STAT5B: variants seen among roughly 807,000 people sequenced by gnomAD.
The protein encoded by STAT5B is transcription factor STAT5B.
A neutral mutation model predicts 107.8 loss-of-function variants in STAT5B; 21 were observed. The observed-to-expected ratio is 0.19, with a 90% CI of 0.14 to 0.28. The LOEUF (loss-of-function observed/expected upper bound fraction) is 0.28. Among genes scored for constraint, STAT5B ranks in the 10% least tolerant of loss-of-function variants. The pLI, the probability that STAT5B is intolerant of heterozygous loss-of-function variation, is 1.00. For synonymous variants in STAT5B, 325 were observed against 401.7 expected (o/e 0.81, Z 2.28); for missense variants, 565 against 1,008.2 (o/e 0.56, Z 5.95).
intron 13 of STAT5B, among the ~76,000 whole-genome samples, chr17:42,211,757 A>T (rs908006927): frequency 6.6e-6 from 1 of 152,208 alleles, no homozygotes; most frequent in South Asian, 2.1e-4. Context: ...AAAGGAAGAA[A>T]ATGCATTAAC....
At chr17:42,257,581 T>C (rs1053372139) in intron 1 of STAT5B, among the ~76,000 whole-genome samples, 2 of 152,208 alleles carry the variant, frequency 1.3e-5, no homozygotes, top group African/African-American at 4.8e-5. Context: ...GGACATACAG[T>C]TTTATTTACA....
intron 1 of STAT5B, among the ~76,000 whole-genome samples, chr17:42,232,454 G>C (rs1050911536): frequency 1.3e-5 from 2 of 152,054 alleles, no homozygotes; most frequent in Non-Finnish European, 2.9e-5. Context: ...TCACCGTGTT[G>C]GCCAGGCTGG....
At chr17:42,245,827 AT>A (rs1327862739) in intron 1 of STAT5B, among the ~76,000 whole-genome samples, 1 of 151,684 alleles carries the variant, frequency 6.6e-6, no homozygotes, top group Non-Finnish European at 1.5e-5. Flanking sequence ...CCCAGCCCTA[AT>A]TTTTGTATTT....
chr17:42,218,003 G>A (rs2080187868), intron 9 of STAT5B, 148 bp downstream of exon 9: 1 of 1,384,342 alleles, frequency 7.2e-7, no homozygotes, highest in Non-Finnish European at 1.0e-6. Flanking sequence ...ACCACACCAG[G>A]CCCAAGAACT....
At chr17:42,233,351 C>T (rs908447778) in intron 1 of STAT5B, among the ~76,000 whole-genome samples, 3 of 152,156 alleles carry the variant, frequency 2.0e-5, no homozygotes, top group African/African-American at 7.2e-5. Flanking sequence ...GAAGGTTCAC[C>T]TCCTGAGTTA....
rs1244520898 is a variant in STAT5B at position 42,199,820 on chromosome 17, G to A, written c.*1918C>T. 6.6e-6 allele frequency: 1 copy of A among 152,394 alleles called. No individual in the cohort carries two copies. Among genetic ancestry groups the A allele is most frequent in the Non-Finnish European group, 1.5e-5 (1 of 68,084 alleles). The allele number at this position is 152,394 out of a possible 1,614,324, so 9.4% of individuals were successfully genotyped here. ...GTGGGTCCACTCCCAACCTGAAAGTGTATCAAGTCTGACCCCCCAACCAGG... is the reference window on the plus strand; with the variant it reads ...GTGGGTCCACTCCCAACCTGAAAGTATATCAAGTCTGACCCCCCAACCAGG... On this transcript the variant is annotated 3_prime_UTR_variant, in exon 19 of 19. Transcript: ENST00000293328.
intron 3 of STAT5B, among the ~76,000 whole-genome samples, chr17:42,226,903 T>C (rs2080277550): frequency 6.8e-6 from 1 of 146,786 alleles, no homozygotes; most frequent in African/African-American, 2.5e-5. Context: ...GGTGGGCGGA[T>C]CACCTGAGGT....
chr17:42,219,834 C>T lies in STAT5B; in HGVS notation c.559G>A (p.Gly187Ser). ...QESLRIQAQFGPLAQLSPQER... is the reference protein window; with the variant it reads ...QESLRIQAQFSPLAQLSPQER... ...TGGGGGCTCAGCTGGGCCAGCGGGCCAAACTGAGCTAGAGGAGGGGAGAGG... is the reference window on the plus strand; with the variant it reads ...TGGGGGCTCAGCTGGGCCAGCGGGCTAAACTGAGCTAGAGGAGGGGAGAGG... The change falls in exon 6 of 19, where the codon GGC becomes AGC. Residue 187 changes from glycine to serine, a missense_variant. This residue lies in a region of STAT5B where 56 missense variants were observed against 104.5 expected (regional missense o/e 0.54). Coordinates refer to ENST00000293328, the MANE Select transcript of STAT5B (RefSeq NM_012448.4). 5 of 1,614,190 alleles carry T rather than the reference C, an allele frequency of 3.1e-6. No individual in the cohort carries two copies. The highest frequency in any genetic ancestry group is 4.2e-6 in the Non-Finnish European group (5 of 1,180,024).
At chr17:42,203,683 G>A (rs1319905696) in intron 16 of STAT5B, among the ~76,000 whole-genome samples, 1 of 152,102 alleles carries the variant, frequency 6.6e-6, no homozygotes, top group African/African-American at 2.4e-5. Context: ...CTGGAGTGCA[G>A]TGGTGCGATC....
At chr17:42,228,670 G>T (rs750323730) in intron 2 of STAT5B, among the ~76,000 whole-genome samples, 10 of 152,168 alleles carry the variant, frequency 6.6e-5, no homozygotes, top group Admixed American at 2.6e-4. Flanking sequence ...GGTGGCTCAC[G>T]CCTGTGATCC....
intron 13 of STAT5B, among the ~76,000 whole-genome samples, chr17:42,211,183 G>A (rs114394441): frequency 0.013 from 1,943 of 151,762 alleles, 31 homozygotes; most frequent in African/African-American, 0.042. Flanking sequence ...GTGACAGAGC[G>A]AGACACCATC....
At chr17:42,256,737 C>T (rs1598333182) in intron 1 of STAT5B, among the ~76,000 whole-genome samples, 1 of 151,838 alleles carries the variant, frequency 6.6e-6, no homozygotes, top group African/African-American at 2.4e-5. Flanking sequence ...TGGCAGATGC[C>T]TGTAGTCCCA....
At chr17:42,287,115 G>A in the STAT5B span, among the ~76,000 whole-genome samples, 1 of 152,010 alleles carries the variant, frequency 6.6e-6, no homozygotes, top group Non-Finnish European at 1.5e-5. Flanking sequence ...TCCTTTCCTC[G>A]TGATCCTGCC....
rs949742712 is a variant in STAT5B, at chr17:42,224,998, G to A, written c.286-130C>T. 6 of 815,298 alleles carry A rather than the reference G, an allele frequency of 7.4e-6. No individual in the cohort carries two copies. In the African/African-American group the frequency reaches 1.0e-4, roughly 14 times the overall value. The allele number at this position is 815,298 out of a possible 1,614,324, so 50.5% of individuals were successfully genotyped here. A position where few individuals can be genotyped will look rare whatever the true frequency, so the allele number is the denominator to read the frequency against. On this transcript the variant is annotated intron_variant, in intron 3 of 18. Transcript: ENST00000293328. The stretch of plus-strand genomic sequence containing the variant: ...AGGCACTGTTCCTCCAATACCAACA[G>A]GAACAAGAAGGCACATCATGGAAAT...
intron 2 of STAT5B, among the ~76,000 whole-genome samples, chr17:42,229,429 C>A (rs1023351084): frequency 6.6e-6 from 1 of 151,642 alleles, no homozygotes; most frequent in South Asian, 2.1e-4. Flanking sequence ...GGATTACAGG[C>A]GTGAGCCACC....
At chr17:42,213,217 T>A (rs1031665998) in intron 12 of STAT5B, among the ~76,000 whole-genome samples, 1 of 152,180 alleles carries the variant, frequency 6.6e-6, no homozygotes, top group Non-Finnish European at 1.5e-5. Flanking sequence ...CACAATTATT[T>A]TTTTTTTTAG....
intron 1 of STAT5B, among the ~76,000 whole-genome samples, chr17:42,268,407 G>C (rs2080692958): frequency 6.6e-6 from 1 of 152,166 alleles, no homozygotes. Context: ...ATCTACGTTT[G>C]TGTAAGTACC....
chr17:42,263,942 T>C (rs1247719639), intron 1 of STAT5B, among the ~76,000 whole-genome samples: 1 of 151,878 alleles, frequency 6.6e-6, no homozygotes, highest in Non-Finnish European at 1.5e-5. Context: ...GAAATCTTTT[T>C]TCAGCGCCTG....
At chr17:42,203,730 G>A (rs2080064510) in intron 16 of STAT5B, among the ~76,000 whole-genome samples, 2 of 152,176 alleles carry the variant, frequency 1.3e-5, no homozygotes, top group South Asian at 4.1e-4. Flanking sequence ...GGGTTCAAGT[G>A]ATTCTCATGC....
Sources: allele counts gnomAD v4.1 joint callset (sites outside exome capture counted in the v4.1 genomes callset), GRCh38; gene constraint gnomAD v4.1.1; regional missense constraint gnomAD v4.1.1; transcripts MANE v1.5; gene names NCBI Gene and HGNC (gene_info 2026-07-23, HGNC 2026-07-21).